The following SMC6 variants were observed in gnomAD, a reference collection of about 807,000 sequenced individuals.
SMC6 encodes structural maintenance of chromosomes protein 6.
A neutral mutation model predicts 142.2 loss-of-function variants in SMC6; 79 were observed. That is an observed-to-expected ratio of 0.56 (90% confidence interval 0.46 to 0.67). The LOEUF is 0.67. SMC6 is among the 30% of genes least tolerant of loss of function. The pLI is 0.00. For synonymous variants in SMC6, 411 were observed against 412.4 expected, an observed-to-expected ratio of 1.00 and a Z score of 0.04; for missense variants, 1,072 against 1,284.0, an observed-to-expected ratio of 0.83 and a Z score of 2.52.
intron 23 of SMC6, among the ~76,000 whole-genome samples, chr2:17,684,509 T>C (rs1572262056): frequency 6.6e-6 from 1 of 152,292 alleles, no homozygotes; most frequent in East Asian, 1.9e-4. Flanking sequence ...ATGAAAATTA[T>C]AATTGAACAC....
intron 23 of SMC6, among the ~76,000 whole-genome samples, chr2:17,694,887 G>A (rs1667916588): frequency 6.6e-6 from 1 of 152,076 alleles, no homozygotes; most frequent in Admixed American, 6.5e-5. Flanking sequence ...TTATGAAGTT[G>A]AACATTTTCA....
At chr2:17,692,592 C>T (rs931576460) in intron 23 of SMC6, among the ~76,000 whole-genome samples, 6 of 152,102 alleles carry the variant, frequency 3.9e-5, no homozygotes, top group African/African-American at 1.4e-4. Context: ...AGACCTAAAA[C>T]CATAAAAACC....
intron 25 of SMC6, among the ~76,000 whole-genome samples, chr2:17,677,442 G>C (rs1023886615): frequency 6.6e-6 from 1 of 152,078 alleles, no homozygotes; most frequent in South Asian, 2.1e-4. Context: ...TTTCTACTCT[G>C]TCTTGTCAGC....
intron 5 of SMC6, among the ~76,000 whole-genome samples, chr2:17,734,845 C>T (rs1456513963): frequency 3.3e-5 from 5 of 152,264 alleles, no homozygotes; most frequent in Admixed American, 2.6e-4. Context: ...GATTCTCCTG[C>T]CTCAGCCTCC....
chr2:17,679,720 T>A (rs958159714), intron 24 of SMC6: 1 of 152,586 alleles, frequency 6.6e-6, no homozygotes, highest in Non-Finnish European at 1.5e-5. Context: ...TCCCCCCTTT[T>A]TTTTCTCAGC....
In SMC6 at chr2:17,714,880, T is replaced by C. The variant is rs192935709; in HGVS notation, c.1711A>G (p.Ile571Val). ...CCTTACCTGTGTCTTACATCATATA[T>C]CTCATTCCGAAACTCAGAAACTATT... ...PIIVSEFRNE[I>V]YDVRHRAAYH... The change falls in exon 16 of 28, where the codon ATA becomes GTA. Residue 571 changes from isoleucine to valine, a missense_variant. By Grantham distance (29) the Ile-to-Val change is conservative (BLOSUM62 3). Coordinates refer to ENST00000448223, the MANE Select transcript of SMC6 (RefSeq NM_001142286.2). 393 of 1,612,932 alleles carry C rather than the reference T, an allele frequency of 2.4e-4. No individual in the cohort carries two copies. The highest frequency in any genetic ancestry group is 1.1e-3 in the Admixed American group (67 of 59,518).
chr2:17,665,290 T>C lies in SMC6; in HGVS notation c.*209A>G, dbSNP rs1407730981. 2.2e-5 allele frequency: 8 copies of C among 357,760 alleles called. No homozygotes were observed. The highest frequency in any genetic ancestry group is 3.0e-5 in the Non-Finnish European group (6 of 201,304). 22.2% of individuals were successfully genotyped at this position (357,760 alleles called of 1,614,324 possible). On this transcript the variant is annotated 3_prime_UTR_variant, in exon 28 of 28. Coordinates refer to ENST00000448223, the MANE Select transcript of SMC6 (RefSeq NM_001142286.2). ...AAGATTTAAAACCAATACTATGAAA[T>C]TGATTTTCTTAAAGTAATAGTAATC...
intron 26 of SMC6, among the ~76,000 whole-genome samples, chr2:17,667,149 A>G (rs1461962341): frequency 1.3e-5 from 2 of 152,388 alleles, no homozygotes; most frequent in East Asian, 1.9e-4. Flanking sequence ...TAGAGAATAA[A>G]TCTAATTTGT....
intron 2 of SMC6, among the ~76,000 whole-genome samples, chr2:17,749,480 G>A (rs1011227201): frequency 6.6e-6 from 1 of 152,160 alleles, no homozygotes; most frequent in African/African-American, 2.4e-5. Context: ...ACGAGGTCAG[G>A]AGTTTGAGAC....
At chr2:17,679,275 A>C (rs1667136674) in intron 24 of SMC6, 5 of 209,218 alleles carry the variant, frequency 2.4e-5, no homozygotes, top group Non-Finnish European at 3.8e-5. Flanking sequence ...TCAGTCATTC[A>C]ACTAATTAAT....
intron 2 of SMC6, among the ~76,000 whole-genome samples, chr2:17,752,349 T>C (rs886511228): frequency 6.6e-6 from 1 of 152,228 alleles, no homozygotes; most frequent in African/African-American, 2.4e-5. Flanking sequence ...TAGGGAATAA[T>C]GACAAGAACA....
chr2:17,716,060 T>C (rs1669069017), intron 15 of SMC6, 26 bp downstream of exon 15: 1 of 1,459,506 alleles, frequency 6.9e-7, no homozygotes, highest in Admixed American at 2.7e-5. Flanking sequence ...AAGTTTATTA[T>C]AACCTCGCTA....
chr2:17,733,925 A>G (rs529201952), intron 5 of SMC6, among the ~76,000 whole-genome samples: 11 of 152,314 alleles, frequency 7.2e-5, no homozygotes, highest in Non-Finnish European at 1.3e-4. Flanking sequence ...ACACAGCAAC[A>G]AAGATTAGCA....
At chr2:17,673,900 A>G (rs1018332878) in intron 25 of SMC6, among the ~76,000 whole-genome samples, 1 of 152,104 alleles carries the variant, frequency 6.6e-6, no homozygotes, top group African/African-American at 2.4e-5. Context: ...AAGGATATCC[A>G]ACAATTTGAA....
chr2:17,721,365 T>C (rs1447575480), intron 9 of SMC6, 104 bp from the exon 10 acceptor site: 4 of 1,085,496 alleles, frequency 3.7e-6, no homozygotes, highest in Middle Eastern at 5.7e-4. Context: ...AAGTACTACA[T>C]AAATATTCGT....
intron 2 of SMC6, among the ~76,000 whole-genome samples, chr2:17,752,413 C>T (rs1479359042): frequency 1.3e-5 from 2 of 152,174 alleles, no homozygotes; most frequent in African/African-American, 4.8e-5. Flanking sequence ...TTTTCAGTCC[C>T]TTGATTGAGT....
At position 17,725,216 on chromosome 2, in the gene SMC6, T is replaced by C. The variant is rs180862315; in HGVS notation, c.726+41A>G. ...CATTTACTGTAAGTACTATAAGAAT[T>C]TGGCTGATCTCAAAAAGATTTACAT... On this transcript the variant is annotated intron_variant, in intron 9 of 27. Coordinates refer to ENST00000448223, the MANE Select transcript of SMC6 (RefSeq NM_001142286.2). The C allele has an allele frequency of 2.9e-6, 4 of 1,358,524 alleles. No individual in the cohort carries two copies. In the East Asian group the frequency reaches 9.3e-5, roughly 32 times the overall value. The allele number at this position is 1,358,524 out of a possible 1,614,324, so 84.2% of individuals were successfully genotyped here.
intron 5 of SMC6, among the ~76,000 whole-genome samples, chr2:17,738,003 C>T (rs939440925): frequency 5.3e-5 from 8 of 152,044 alleles, no homozygotes; most frequent in Non-Finnish European, 8.8e-5. Context: ...AGGCACAGGG[C>T]AATAGGTTAC....
rs147725265 is a variant in SMC6, at chr2:17,735,366, C to G, written c.344+2855G>C. Among the ~76,000 whole-genome samples the G allele has an allele frequency of 1.4e-3, 217 of 152,288 alleles. 1 individual carries two copies. Among genetic ancestry groups the G allele is most frequent in the African/African-American group, 5.0e-3 (209 of 41,562 alleles). ...GAACAATCTATCTACACGGAAGTAA[C>G]TGGCAGCAGTGCACATCAATGAGAA... On this transcript the variant is annotated intron_variant, in intron 5 of 27. Transcript: ENST00000448223.
Sources: allele counts gnomAD v4.1 joint callset (sites outside exome capture counted in the v4.1 genomes callset), GRCh38; gene constraint gnomAD v4.1.1; transcripts MANE v1.5; gene names NCBI Gene and HGNC (gene_info 2026-07-23, HGNC 2026-07-21).